NAV3: variants seen among roughly 807,000 people sequenced by gnomAD.
NAV3 encodes pore membrane and/or filament interacting like protein 1.
Under a neutral mutation model 244.7 loss-of-function variants are expected in NAV3, and 87 were observed. That is an observed-to-expected ratio of 0.36 (90% CI 0.30 to 0.42). The LOEUF (loss-of-function observed/expected upper bound fraction) is 0.42. Ranked by LOEUF, NAV3 falls within the 20% of genes least tolerant of loss-of-function variation. The pLI is 1.00. For synonymous variants in NAV3, 1,126 were observed against 1,042.2 expected, an observed-to-expected ratio of 1.08 and a Z score of -1.55; for missense variants, 2,663 against 2,893.3, an observed-to-expected ratio of 0.92 and a Z score of 1.83.
intron 2 of NAV3, among the ~76,000 whole-genome samples, chr12:77,696,708 G>C (rs1042974226): frequency 3.3e-5 from 5 of 152,132 alleles, no homozygotes; most frequent in African/African-American, 4.8e-5. Flanking sequence ...TAAATAAATA[G>C]AACAGAGTTG....
At chr12:78,181,187 T>C in intron 30 of NAV3, 142 bp downstream of exon 30, 1 of 706,560 alleles carries the variant, frequency 1.4e-6, no homozygotes, top group Non-Finnish European at 2.2e-6. Context: ...ATCTTATAAA[T>C]CTAGTCTACT....
intron 2 of NAV3, among the ~76,000 whole-genome samples, chr12:77,803,308 T>C (rs1322149118): frequency 2.0e-5 from 3 of 152,100 alleles, no homozygotes; most frequent in African/African-American, 7.2e-5. Flanking sequence ...CCCTGGTGTA[T>C]GATGTTTCCC....
intron 2 of NAV3, among the ~76,000 whole-genome samples, chr12:77,589,878 G>T (rs1752910364): frequency 6.6e-6 from 1 of 152,224 alleles, no homozygotes; most frequent in Admixed American, 6.5e-5. Flanking sequence ...CACCATTTCT[G>T]CTCTTCCCTA....
intron 12 of NAV3, among the ~76,000 whole-genome samples, chr12:78,107,027 A>G (rs2166953): frequency 0.74 from 112,894 of 152,078 alleles, 42,130 homozygotes; most frequent in Middle Eastern, 0.79. Context: ...ACCCTATCCA[A>G]ACAACATCAC....
intron 8 of NAV3, among the ~76,000 whole-genome samples, chr12:78,012,975 G>T (rs1176800981): frequency 1.3e-5 from 2 of 152,002 alleles, no homozygotes; most frequent in African/African-American, 4.8e-5. Flanking sequence ...ATCATCCTGT[G>T]TTAGAATCAC....
chr12:77,576,950 A>G lies in NAV3; in HGVS notation c.72+4684A>G, dbSNP rs192728579. The stretch of plus-strand genomic sequence containing the variant: ...CTGAAACAACATCGTATCATTTATT[A>G]TCAGCCAATCCTGAAGCACGGCTCT... On this transcript the variant is annotated intron_variant, in intron 2 of 8. Transcript: ENST00000550042. Among the ~76,000 whole-genome samples the G allele has an allele frequency of 2.5e-4, 38 of 152,230 alleles. 1 individual carries two copies. Among genetic ancestry groups the G allele is most frequent in the South Asian group, 2.1e-4 (1 of 4,826 alleles).
At chr12:78,075,426 G>T (rs1952996588) in intron 12 of NAV3, among the ~76,000 whole-genome samples, 1 of 152,048 alleles carries the variant, frequency 6.6e-6, no homozygotes, top group Non-Finnish European at 1.5e-5. Flanking sequence ...GAAAAAAAAA[G>T]TATGTATTGT....
At chr12:77,907,409 C>A (rs1422017733) in intron 1 of NAV3, among the ~76,000 whole-genome samples, 1 of 151,994 alleles carries the variant, frequency 6.6e-6, no homozygotes, top group Non-Finnish European at 1.5e-5. Flanking sequence ...TTTTTGGTAA[C>A]CTTCTCATGT....
intron 19 of NAV3, among the ~76,000 whole-genome samples, chr12:78,139,284 T>C (rs1956505012): frequency 6.6e-6 from 1 of 152,148 alleles, no homozygotes; most frequent in African/African-American, 2.4e-5. Flanking sequence ...ACAAGCCTAG[T>C]GCAGCTATTC....
Position 78,176,465 on chromosome 12 carries a change from T to C in NAV3, c.5124+6T>C. 1 of 1,612,610 alleles carries C rather than the reference T, an allele frequency of 6.2e-7. No individual in the cohort carries two copies. Among genetic ancestry groups the C allele is most frequent in the Non-Finnish European group, 8.5e-7 (1 of 1,179,168 alleles). ...TGAACTCTAGAGGAAGTGAGGTGAA[T>C]ATAAACCGTGGACAATTTGGCATGC... On this transcript the variant is annotated splice_donor_region_variant and intron_variant, in intron 26 of 39. Transcript: ENST00000397909.
At chr12:77,607,760 C>A (rs1398718906) in intron 2 of NAV3, among the ~76,000 whole-genome samples, 1 of 152,080 alleles carries the variant, frequency 6.6e-6, no homozygotes, top group Non-Finnish European at 1.5e-5. Context: ...GACTGCCTTG[C>A]AAAATCATTT....
intron 2 of NAV3, among the ~76,000 whole-genome samples, chr12:77,663,706 A>G (rs1255421513): frequency 6.6e-6 from 1 of 152,092 alleles, no homozygotes. Context: ...TTTTTAGTAG[A>G]GACCAGTTTT....
chr12:77,588,511 T>C (rs1197440755), intron 2 of NAV3, among the ~76,000 whole-genome samples: 1 of 152,158 alleles, frequency 6.6e-6, no homozygotes, highest in African/African-American at 2.4e-5. Context: ...CTTGGTGCTT[T>C]CTCATACTGG....
At chr12:78,190,242 A>T in intron 34 of NAV3, 23 bp downstream of exon 34, 1 of 1,571,316 alleles carries the variant, frequency 6.4e-7, no homozygotes, top group Non-Finnish European at 8.7e-7. Context: ...ATTCTAAGAG[A>T]ACAGCTACAA....
At chr12:77,891,315 T>C (rs1883912307) in intron 1 of NAV3, among the ~76,000 whole-genome samples, 1 of 149,040 alleles carries the variant, frequency 6.7e-6, no homozygotes, top group Non-Finnish European at 1.5e-5. Context: ...AAGATAAATT[T>C]ATAAAGATAA....
intron 2 of NAV3, among the ~76,000 whole-genome samples, chr12:77,770,161 G>A (rs968058136): frequency 1.3e-5 from 2 of 151,900 alleles, no homozygotes; most frequent in Admixed American, 1.3e-4. Context: ...TTTTCCCCCA[G>A]TGCTGTTAAA....
At chr12:78,186,555 C>T (rs1958728758) in intron 31 of NAV3, among the ~76,000 whole-genome samples, 1 of 151,760 alleles carries the variant, frequency 6.6e-6, no homozygotes, top group Admixed American at 6.6e-5. Flanking sequence ...GAAACATAAA[C>T]TAACTTTGAT....
chr12:78,012,315 C>T (rs994398649), intron 8 of NAV3, among the ~76,000 whole-genome samples: 2 of 152,006 alleles, frequency 1.3e-5, no homozygotes, highest in Non-Finnish European at 2.9e-5. Context: ...AGTCTCCCAG[C>T]TTCCACTCTG....
chr12:77,832,666 A>T (rs1324919383), intron 1 of NAV3, among the ~76,000 whole-genome samples: 2 of 152,196 alleles, frequency 1.3e-5, no homozygotes, highest in African/African-American at 2.4e-5. Context: ...TTAAAAATAT[A>T]GAATAAGTTA....
Sources: allele counts gnomAD v4.1 joint callset (sites outside exome capture counted in the v4.1 genomes callset), GRCh38; gene constraint gnomAD v4.1.1; transcripts MANE v1.5; gene names NCBI Gene and HGNC (gene_info 2026-07-23, HGNC 2026-07-21).